B3GAT1: variants seen among roughly 807,000 people sequenced by gnomAD.
B3GAT1 encodes galactosylgalactosylxylosylprotein 3-beta-glucuronosyltransferase 1.
A neutral mutation model predicts 28.4 loss-of-function variants in B3GAT1; 11 were observed. The observed-to-expected ratio is 0.39, with a 90% CI of 0.24 to 0.64. The LOEUF (loss-of-function observed/expected upper bound fraction) is 0.64. B3GAT1 is among the 30% of genes least tolerant of loss of function. The pLI is 0.50. For synonymous variants in B3GAT1, 255 were observed against 223.1 expected (o/e 1.14, Z -1.27); for missense variants, 375 against 491.0 (o/e 0.76, Z 2.23).
At chr11:134,390,043 C>T (rs1002375574) in intron 1 of B3GAT1, 3 of 152,228 alleles carry the variant, frequency 2.0e-5, no homozygotes, top group African/African-American at 7.2e-5. Context: ...ACCCATTCCC[C>T]GGGGAGTGGA....
rs761915526 is a variant in B3GAT1 at position 134,383,016 on chromosome 11, G to A, written c.622-10C>T. On this transcript the variant is annotated splice_polypyrimidine_tract_variant and intron_variant, in intron 3 of 5. Transcript: ENST00000312527. Reference sequence around the variant, plus strand: ...TCCTGGTGCTGCGCATCTACAAGGGGGGGGTCCAGAGTCAGGGCGCCGGCA... The same window carrying A: ...TCCTGGTGCTGCGCATCTACAAGGGAGGGGTCCAGAGTCAGGGCGCCGGCA... 8.4e-6 allele frequency: 13 copies of A among 1,540,074 alleles called. No homozygotes were observed. Among genetic ancestry groups the A allele is most frequent in the South Asian group, 3.6e-5 (3 of 83,670 alleles).
At chr11:134,400,790 C>G (rs1944598157) in intron 1 of B3GAT1, among the ~76,000 whole-genome samples, 1 of 152,184 alleles carries the variant, frequency 6.6e-6, no homozygotes, top group Non-Finnish European at 1.5e-5. Flanking sequence ...AACTAAAGAG[C>G]TTCTGTGCAG....
intron 1 of B3GAT1, among the ~76,000 whole-genome samples, chr11:134,405,413 G>A (rs543771479): frequency 3.9e-4 from 60 of 152,352 alleles, no homozygotes; most frequent in African/African-American, 1.3e-3. Context: ...TGGTCAGGGT[G>A]CGTAGACACA....
intron 1 of B3GAT1, among the ~76,000 whole-genome samples, chr11:134,396,454 C>T (rs763322518): frequency 6.6e-6 from 1 of 152,126 alleles, no homozygotes; most frequent in African/African-American, 2.4e-5. Flanking sequence ...AGGGGCCCTG[C>T]GATGCAGAAA....
intron 3 of B3GAT1, among the ~76,000 whole-genome samples, chr11:134,383,299 C>G (rs1944178902): frequency 6.6e-6 from 1 of 152,136 alleles, no homozygotes; most frequent in African/African-American, 2.4e-5. Context: ...TTTCAGTCTC[C>G]CCGCTCTAGA....
chr11:134,401,975 G>A lies in B3GAT1; in HGVS notation c.-282+9832C>T, dbSNP rs957628722. Among the ~76,000 whole-genome samples the A allele has an allele frequency of 4.9e-5, 6 of 123,640 alleles. 2 individuals are homozygous for A. Among genetic ancestry groups the A allele is most frequent in the South Asian group, 3.6e-4 (1 of 2,744 alleles). 81.1% of individuals were successfully genotyped at this position (123,640 alleles called of 152,430 possible). A position where few individuals can be genotyped will look rare whatever the true frequency, so the allele number is the denominator to read the frequency against. On this transcript the variant is annotated intron_variant, in intron 1 of 5. Coordinates refer to ENST00000312527, the MANE Select transcript of B3GAT1 (RefSeq NM_054025.3). ...CAAAAGGGTGTGGCCTGGGGCGGGG[G>A]GGGGCGGGCAGCCTGACCACTGTCG... is the stretch of plus-strand genomic sequence containing the variant.
chr11:134,383,603 C>T (rs1944189527), intron 3 of B3GAT1, 77 bp downstream of exon 3: 4 of 1,442,132 alleles, frequency 2.8e-6, no homozygotes, highest in Non-Finnish European at 3.6e-6. Flanking sequence ...GCCTCCGCAC[C>T]CACACCCCCT....
At chr11:134,397,732 C>A (rs1944531925) in intron 1 of B3GAT1, among the ~76,000 whole-genome samples, 1 of 152,258 alleles carries the variant, frequency 6.6e-6, no homozygotes, top group African/African-American at 2.4e-5. Context: ...CATTGCAAAC[C>A]AGCACCTGTC....
At chr11:134,399,266 T>A (rs540971567) in intron 1 of B3GAT1, among the ~76,000 whole-genome samples, 6 of 152,264 alleles carry the variant, frequency 3.9e-5, no homozygotes, top group African/African-American at 1.4e-4. Flanking sequence ...CACGCCAGGA[T>A]TTGGGTCCTG....
rs1944444829 is a variant in B3GAT1, at chr11:134,393,220, G to A, written c.-281-5280C>T. Among the ~76,000 whole-genome samples the A allele has an allele frequency of 6.6e-6, 1 of 152,228 alleles. No homozygotes were observed. Among genetic ancestry groups the A allele is most frequent in the Non-Finnish European group, 1.5e-5 (1 of 68,040 alleles). On this transcript the variant is annotated intron_variant, in intron 1 of 5. Coordinates refer to ENST00000312527, the MANE Select transcript of B3GAT1 (RefSeq NM_054025.3). The surrounding 1 kb of genome is among the most constrained non-coding windows in gnomAD (Gnocchi z 4.0). ...GTTCATCAAAAAAGTCCATTAAGGC[G>A]AAGAATCTTTCCAAATGATACATAC...
chr11:134,387,398 A>T (rs1430234789), intron 2 of B3GAT1, 150 bp downstream of exon 2: 2 of 1,064,958 alleles, frequency 1.9e-6, no homozygotes, highest in Non-Finnish European at 2.6e-6. Flanking sequence ...TCCCATTCCC[A>T]AAGGGGTGCA....
rs1944099380 is a variant in B3GAT1, at chr11:134,380,485, AGC to A, written c.*275_*276del. On this transcript the variant is annotated 3_prime_UTR_variant, in exon 6 of 6. Coordinates refer to ENST00000312527, the MANE Select transcript of B3GAT1 (RefSeq NM_054025.3). The stretch of plus-strand genomic sequence containing the variant: ...GGGGAGCTCTGGGGAGGTGCGCTGG[AGC>A]ACCAGCTTGGCTGGTGCTGGACACC... 8 of 152,544 alleles carry A rather than the reference AGC, an allele frequency of 5.2e-5. No homozygotes were observed. Among genetic ancestry groups the A allele is most frequent in the African/African-American group, 1.9e-4 (8 of 41,430 alleles). 9.4% of individuals were successfully genotyped at this position (152,544 alleles called of 1,614,324 possible).
intron 1 of B3GAT1, among the ~76,000 whole-genome samples, chr11:134,399,003 G>A (rs935473082): frequency 6.6e-6 from 1 of 152,180 alleles, no homozygotes; most frequent in African/African-American, 2.4e-5. Context: ...TCCAACCAGA[G>A]CCCACTGCTA....
In B3GAT1 at chr11:134,383,686, G is replaced by A. The variant is rs1269950689; in HGVS notation, c.615C>T (p.Phe205=). 6.4e-7 allele frequency: 1 copy of A among 1,569,150 alleles called. No individual in the cohort carries two copies. Among genetic ancestry groups the A allele is most frequent in the East Asian group, 2.3e-5 (1 of 43,796 alleles). Residue 205 remains phenylalanine (F), a synonymous_variant, in exon 3 of 6, where the codon TTC becomes TTT. Transcript: ENST00000312527. ...DDDNTYSLEL[F]EEMRSTRRVS... is the part of the protein sequence containing the mutation. ...CTGTCGGGCCCTCCCTCACCTCTTC[G>A]AAGAGCTCCAGGCTGTAGGTGTTGT...
chr11:134,402,218 T>C (rs1944629635), intron 1 of B3GAT1, among the ~76,000 whole-genome samples: 1 of 152,156 alleles, frequency 6.6e-6, no homozygotes. Flanking sequence ...CACACTGAGC[T>C]AGAGTCAAGT....
intron 2 of B3GAT1, chr11:134,385,940 T>C (rs554016892): frequency 6.6e-6 from 1 of 152,372 alleles, no homozygotes; most frequent in African/African-American, 2.4e-5. Context: ...CAGCCTGACG[T>C]CTCCAGCGCT....
Position 134,384,070 on chromosome 11 carries a change from C to T in B3GAT1, c.231G>A (p.Pro77=), listed in dbSNP as rs1248559379. The change falls in exon 3 of 6, where the codon CCG becomes CCA. Residue 77 remains proline, a synonymous_variant. Coordinates refer to ENST00000312527, the MANE Select transcript of B3GAT1 (RefSeq NM_054025.3). The part of the protein sequence containing the change: ...VRTEYVYTRP[P]PWSDTLPTIH... ...TGGTGGGCAGCGTGTCGGACCATGG[C>T]GGGGGCCGCGTGTACACGTACTCGG... is the stretch of plus-strand genomic sequence containing the variant. 1 of 1,602,558 alleles carries T rather than the reference C, an allele frequency of 6.2e-7. No homozygotes were observed. Among genetic ancestry groups the T allele is most frequent in the Non-Finnish European group, 8.5e-7 (1 of 1,177,934 alleles).
chr11:134,401,268 A>G (rs1283524340), intron 1 of B3GAT1, among the ~76,000 whole-genome samples: 1 of 150,894 alleles, frequency 6.6e-6, no homozygotes, highest in Non-Finnish European at 1.5e-5. Context: ...TTTACCGTGA[A>G]GACACATACA....
intron 1 of B3GAT1, among the ~76,000 whole-genome samples, chr11:134,409,181 AGTCTACTCGGCTAGCCACAGAT>A (rs1944800804): frequency 6.6e-6 from 1 of 152,156 alleles, no homozygotes; most frequent in South Asian, 2.1e-4. Context: ...TTTTTTTCAA[AGTCTACTCGGCTAGCCACAGAT>A]GGAGATGAGA....
Sources: gnomAD v4.1 joint callset for allele counts (sites outside exome capture counted in the v4.1 genomes callset) on GRCh38, gnomAD v4.1.1 for gene constraint, Gnocchi (gnomAD v3.1) non-coding constraint, MANE v1.5 for transcripts, NCBI Gene and HGNC (gene_info 2026-07-23, HGNC 2026-07-21) for gene names.